SHISA9: variants seen among roughly 807,000 people sequenced by gnomAD.
SHISA9 encodes protein shisa-9.
In SHISA9, 13 loss-of-function variants were observed where a neutral mutation model predicts 38.0. That is an observed-to-expected ratio of 0.34 (90% confidence interval 0.22 to 0.54). The LOEUF is 0.54. Among genes scored for constraint, SHISA9 ranks in the 20% least tolerant of loss-of-function variants. The pLI, the probability that SHISA9 is intolerant of heterozygous loss-of-function variation, is 0.91. For missense variants in SHISA9, 538 were observed against 575.8 expected, an observed-to-expected ratio of 0.93 and a Z score of 0.67; for synonymous variants, 275 against 242.0, an observed-to-expected ratio of 1.14 and a Z score of -1.27.
chr16:13,438,890 C>T, the SHISA9 span, among the ~76,000 whole-genome samples: 2 of 152,174 alleles, frequency 1.3e-5, no homozygotes, highest in Admixed American at 1.3e-4. Context: ...TCCATCCCAG[C>T]TGTCTCTGAT....
the SHISA9 span, among the ~76,000 whole-genome samples, chr16:13,550,177 C>T: frequency 1.4e-3 from 220 of 152,076 alleles, no homozygotes; most frequent in Non-Finnish European, 2.1e-3. Context: ...GGAAAGAAAG[C>T]AGTGTGGCTG....
At chr16:13,337,763 C>T in the SHISA9 span, among the ~76,000 whole-genome samples, 1 of 152,082 alleles carries the variant, frequency 6.6e-6, no homozygotes, top group East Asian at 1.9e-4. Flanking sequence ...GGGCAGACTT[C>T]CCCCTGCTGT....
At chr16:13,516,825 G>A in the SHISA9 span, among the ~76,000 whole-genome samples, 2 of 151,778 alleles carry the variant, frequency 1.3e-5, no homozygotes, top group Non-Finnish European at 2.9e-5. Context: ...CAGGGAAGGA[G>A]AGAAAGTCAT....
the SHISA9 span, among the ~76,000 whole-genome samples, chr16:13,475,343 TG>T: frequency 2.0e-4 from 31 of 151,642 alleles, no homozygotes; most frequent in East Asian, 5.8e-3. Flanking sequence ...CACATATATA[TG>T]TTTCACATAT....
intron 3 of SHISA9, 109 bp from the exon 4 acceptor site, chr16:13,213,144 G>C: frequency 1.1e-6 from 1 of 923,206 alleles, no homozygotes; most frequent in Non-Finnish European, 1.7e-6. Context: ...GCCTGTCCCT[G>C]CTTGGAGGCT....
the SHISA9 span, among the ~76,000 whole-genome samples, chr16:13,268,974 C>A: frequency 6.6e-6 from 1 of 152,102 alleles, no homozygotes; most frequent in East Asian, 1.9e-4. Flanking sequence ...CAGTCCTCAA[C>A]AAGCTGTGAT....
chr16:12,974,916 C>A (rs2072136316), intron 2 of SHISA9, among the ~76,000 whole-genome samples: 1 of 152,126 alleles, frequency 6.6e-6, no homozygotes, highest in Admixed American at 6.6e-5. Context: ...ATATCTGTAT[C>A]TATATCTATC....
chr16:13,058,626 A>C (rs1313767038), intron 2 of SHISA9, among the ~76,000 whole-genome samples: 2 of 152,070 alleles, frequency 1.3e-5, no homozygotes, highest in Non-Finnish European at 2.9e-5. Context: ...CTAGTCTTCC[A>C]CTCCAAGCCC....
At chr16:12,980,401 T>A (rs1361007388) in intron 2 of SHISA9, among the ~76,000 whole-genome samples, 1 of 152,194 alleles carries the variant, frequency 6.6e-6, no homozygotes, top group Non-Finnish European at 1.5e-5. Context: ...TTTGATTATT[T>A]GAAAATATTA....
At chr16:13,500,358 G>A in the SHISA9 span, among the ~76,000 whole-genome samples, 9 of 152,260 alleles carry the variant, frequency 5.9e-5, no homozygotes, top group African/African-American at 2.2e-4. Context: ...AAATTACCCA[G>A]TCTCAGGTAT....
chr16:13,331,778 A>G, the SHISA9 span: 2 of 152,190 alleles, frequency 1.3e-5, no homozygotes, highest in East Asian at 1.9e-4. Context: ...ACTTCTGATG[A>G]GTCACTTAAG....
chr16:13,228,838 C>T (rs1371118653), intron 4 of SHISA9, among the ~76,000 whole-genome samples: 1 of 152,152 alleles, frequency 6.6e-6, no homozygotes, highest in Non-Finnish European at 1.5e-5. Flanking sequence ...TCCTGATCCT[C>T]TCCCTCTTCC....
chr16:13,087,103 G>T (rs1349506493), intron 2 of SHISA9, among the ~76,000 whole-genome samples: 2 of 148,080 alleles, frequency 1.4e-5, no homozygotes, highest in Non-Finnish European at 1.5e-5. Context: ...TGAGAATCAT[G>T]GTTTCCAGCT....
intron 2 of SHISA9, among the ~76,000 whole-genome samples, chr16:13,105,978 G>C (rs775357997): frequency 2.6e-5 from 4 of 152,114 alleles, no homozygotes; most frequent in Non-Finnish European, 5.9e-5. Context: ...ATGTGCCCTG[G>C]TCTCTCTATT....
the SHISA9 span, among the ~76,000 whole-genome samples, chr16:13,485,658 TTCTTC>T: frequency 6.6e-6 from 1 of 152,192 alleles, no homozygotes; most frequent in Non-Finnish European, 1.5e-5. Context: ...AACATTTCAA[TTCTTC>T]TCTTCTAGGT....
At chr16:13,449,918 C>T in the SHISA9 span, among the ~76,000 whole-genome samples, 2 of 152,010 alleles carry the variant, frequency 1.3e-5, no homozygotes, top group African/African-American at 4.8e-5. Context: ...AGATTGAGAC[C>T]ATCCTGGCTA....
chr16:13,316,284 G>A, the SHISA9 span, among the ~76,000 whole-genome samples: 3 of 152,138 alleles, frequency 2.0e-5, no homozygotes, highest in Non-Finnish European at 2.9e-5. Context: ...CACAGAGAAC[G>A]TGTCCAGAGT....
At chr16:13,047,160 G>A (rs1042554247) in intron 2 of SHISA9, among the ~76,000 whole-genome samples, 1 of 152,076 alleles carries the variant, frequency 6.6e-6, no homozygotes, top group African/African-American at 2.4e-5. Context: ...TACTTGCCTT[G>A]ATTTAATACC....
the SHISA9 span, among the ~76,000 whole-genome samples, chr16:13,481,253 A>G: frequency 6.6e-6 from 1 of 152,202 alleles, no homozygotes; most frequent in Non-Finnish European, 1.5e-5. Flanking sequence ...TAGAATTTTC[A>G]TGACATTCTT....
Sources: allele counts gnomAD v4.1 joint callset (sites outside exome capture counted in the v4.1 genomes callset), GRCh38; gene constraint gnomAD v4.1.1; transcripts MANE v1.5; gene names NCBI Gene and HGNC (gene_info 2026-07-23, HGNC 2026-07-21).